The following MYPN variants were observed in gnomAD, a reference collection of about 807,000 sequenced individuals.
MYPN encodes the protein myopalladin, also known as sarcomeric protein myopalladin, 145 kDa (MYOP).
In MYPN, 63 loss-of-function variants were observed where a neutral mutation model predicts 129.4. The observed-to-expected ratio is 0.49, with a 90% confidence interval of 0.40 to 0.60. MYPN has a LOEUF of 0.60. MYPN is among the 20% of genes least tolerant of loss of function. MYPN has a pLI of 0.00. For missense variants in MYPN, 1,596 were observed against 1,635.4 expected, an observed-to-expected ratio of 0.98 and a Z score of 0.42; for synonymous variants, 629 against 600.9, an observed-to-expected ratio of 1.05 and a Z score of -0.68.
At chr10:68,093,089 G>T (rs2041938307) in intron 1 of MYPN, among the ~76,000 whole-genome samples, 1 of 152,024 alleles carries the variant, frequency 6.6e-6, no homozygotes, top group Admixed American at 6.6e-5. Flanking sequence ...GCCCAGGCTG[G>T]TCTCCCATGA....
chr10:68,156,035 G>A (rs2042867339), intron 6 of MYPN, among the ~76,000 whole-genome samples: 2 of 152,270 alleles, frequency 1.3e-5, no homozygotes, highest in African/African-American at 4.8e-5. Flanking sequence ...TTTGCAAGCA[G>A]GGCTTTTGTG....
chr10:68,210,645 G>A lies in MYPN; in HGVS notation c.*190G>A. On this transcript the variant is annotated 3_prime_UTR_variant, in exon 20 of 20. Transcript: ENST00000358913. The stretch of plus-strand genomic sequence containing the variant: ...AGCTGAGGGAGAAAGGTAGGGCTGT[G>A]CCTTCTAAAGATTCCAACAGAGATG... 2.8e-6 allele frequency: 2 copies of A among 706,586 alleles called. No individual in the cohort carries two copies. Among genetic ancestry groups the A allele is most frequent in the East Asian group, 5.5e-5 (2 of 36,416 alleles). 43.8% of individuals were successfully genotyped at this position (706,586 alleles called of 1,614,324 possible).
At chr10:68,103,985 A>G (rs2041994596), upstream of MYPN, among the ~76,000 whole-genome samples, 1 of 152,184 alleles carries the variant, frequency 6.6e-6, no homozygotes, top group Non-Finnish European at 1.5e-5. Context: ...CTTAGGTTTG[A>G]ATCTACTCAA....
intron 1 of MYPN, among the ~76,000 whole-genome samples, chr10:68,097,578 G>T (rs2041962557): frequency 6.6e-6 from 1 of 152,112 alleles, no homozygotes; most frequent in African/African-American, 2.4e-5. Context: ...ACTCACTTAA[G>T]TCTCACAGCA....
At chr10:68,198,291 G>T (rs1180635971) in intron 16 of MYPN, among the ~76,000 whole-genome samples, 4 of 152,118 alleles carry the variant, frequency 2.6e-5, no homozygotes. Flanking sequence ...TGAAAATATG[G>T]CTCCAAGGTA....
rs2042917155 is a variant in MYPN at position 68,158,409 on chromosome 10, T to C, written c.1318-77T>C. Reference sequence around the variant, plus strand: ...TCCAAATATGGAGACGGCATCTTTTTCTAAAATTCAACACCGAAACTAGAT... The same window carrying C: ...TCCAAATATGGAGACGGCATCTTTTCCTAAAATTCAACACCGAAACTAGAT... On this transcript the variant is annotated intron_variant, in intron 6 of 19. Transcript: ENST00000358913. 2.1e-6 allele frequency: 3 copies of C among 1,417,330 alleles called. No individual in the cohort carries two copies. In the South Asian group the frequency reaches 3.5e-5, roughly 17 times the overall value. The allele number at this position is 1,417,330 out of a possible 1,614,324, so 87.8% of individuals were successfully genotyped here. A position where few individuals can be genotyped will look rare whatever the true frequency, so the allele number is the denominator to read the frequency against.
intron 19 of MYPN, among the ~76,000 whole-genome samples, chr10:68,208,095 C>A (rs886278418): frequency 8.5e-5 from 13 of 152,284 alleles, no homozygotes; most frequent in South Asian, 8.3e-4. Context: ...GTGCTCAATC[C>A]TACACTTTTT....
chr10:68,131,227 A>C (rs920666648), intron 2 of MYPN, among the ~76,000 whole-genome samples: 7 of 152,158 alleles, frequency 4.6e-5, no homozygotes, highest in Admixed American at 4.6e-4. Flanking sequence ...CGTCTCTACC[A>C]AAAATACAAA....
intron 3 of MYPN, 116 bp downstream of exon 3, chr10:68,143,231 G>A: frequency 3.1e-6 from 3 of 969,510 alleles, no homozygotes; most frequent in South Asian, 2.8e-5. Flanking sequence ...TGAGGATACA[G>A]CAGTGAACCG....
At chr10:68,150,940 G>A (rs1589559629) in intron 6 of MYPN, among the ~76,000 whole-genome samples, 1 of 152,138 alleles carries the variant, frequency 6.6e-6, no homozygotes, top group African/African-American at 2.4e-5. Context: ...AGTATGCTTT[G>A]GTTTAGAGCA....
At chr10:68,090,452 A>G (rs1399676371) in intron 1 of MYPN, among the ~76,000 whole-genome samples, 2 of 152,180 alleles carry the variant, frequency 1.3e-5, no homozygotes, top group African/African-American at 4.8e-5. Context: ...GGCGTGAGCC[A>G]CCGCGCCAGG....
chr10:68,187,470 A>G (rs1241520042), intron 12 of MYPN, among the ~76,000 whole-genome samples: 3 of 152,194 alleles, frequency 2.0e-5, no homozygotes, highest in African/African-American at 2.4e-5. Flanking sequence ...CCTGATTTTC[A>G]TGGTAGACAG....
intron 12 of MYPN, among the ~76,000 whole-genome samples, chr10:68,187,120 C>G (rs1443172339): frequency 1.3e-5 from 2 of 151,938 alleles, no homozygotes; most frequent in Non-Finnish European, 2.9e-5. Flanking sequence ...ACCTGTAATC[C>G]CAGCACTATG....
At chr10:68,200,325 T>C (rs1441674611) in intron 17 of MYPN, among the ~76,000 whole-genome samples, 3 of 152,302 alleles carry the variant, frequency 2.0e-5, no homozygotes, top group East Asian at 3.9e-4. Flanking sequence ...TATTCTTAGA[T>C]GATGTGAATG....
At chr10:68,102,049 A>G (rs2041984267), upstream of MYPN, among the ~76,000 whole-genome samples, 1 of 150,328 alleles carries the variant, frequency 6.7e-6, no homozygotes, top group East Asian at 2.0e-4. Context: ...AATGATGAAT[A>G]TTACCAAAAT....
chr10:68,161,577 G>A (rs1388986747), intron 7 of MYPN, 152 bp from the exon 8 acceptor site: 2 of 623,512 alleles, frequency 3.2e-6, no homozygotes, highest in Non-Finnish European at 5.6e-6. Flanking sequence ...TCCTGTCCCT[G>A]TTGAGATCAT....
At chr10:68,151,073 C>T (rs1367243845) in intron 6 of MYPN, among the ~76,000 whole-genome samples, 1 of 152,118 alleles carries the variant, frequency 6.6e-6, no homozygotes, top group Non-Finnish European at 1.5e-5. Context: ...CATAGGATGA[C>T]AGCCCCCCAC....
intron 2 of MYPN, among the ~76,000 whole-genome samples, chr10:68,123,756 C>T (rs1055479918): frequency 6.6e-6 from 1 of 151,868 alleles, no homozygotes; most frequent in African/African-American, 2.4e-5. Flanking sequence ...TTTAGTTGCA[C>T]GAGCCACATT....
Position 68,135,788 on chromosome 10 carries a change from A to G in MYPN, c.903-7152A>G, listed in dbSNP as rs149738933. ...GTGTGGGATAGACAGAGGTAAACAA[A>G]ACAAATGAGATAATTTTAGCCCTTG... is the stretch of plus-strand genomic sequence containing the variant. On this transcript the variant is annotated intron_variant, in intron 2 of 19. Coordinates refer to ENST00000358913, the MANE Select transcript of MYPN (RefSeq NM_032578.4). Among the ~76,000 whole-genome samples the G allele has an allele frequency of 4.4e-3, 669 of 152,330 alleles. 3 individuals carry two copies. The highest frequency in any genetic ancestry group is 0.015 in the African/African-American group (640 of 41,576).
Sources: allele counts gnomAD v4.1 joint callset (sites outside exome capture counted in the v4.1 genomes callset), GRCh38; gene constraint gnomAD v4.1.1; transcripts MANE v1.5; gene names NCBI Gene and HGNC (gene_info 2026-07-23, HGNC 2026-07-21).